The following PTPN23 variants were observed in gnomAD, a reference collection of about 807,000 sequenced individuals.
The protein encoded by PTPN23 is tyrosine-protein phosphatase non-receptor type 23.
PTPN23 carries 72 observed loss-of-function variants against 156.3 expected under a neutral mutation model. The ratio of observed to expected loss-of-function variants is 0.46; its 90% CI spans 0.38 to 0.56. The LOEUF (loss-of-function observed/expected upper bound fraction) is 0.56, where lower values mean the gene tolerates loss of function less well. Among genes scored for constraint, PTPN23 ranks in the 20% least tolerant of loss-of-function variants. The pLI, the probability that PTPN23 is intolerant of heterozygous loss-of-function variation, is 0.00. For missense variants in PTPN23, 1,974 were observed against 2,171.5 expected (o/e 0.91, Z 1.81); for synonymous variants, 957 against 899.6 (o/e 1.06, Z -1.14).
rs2107719091 is a variant in PTPN23, at chr3:47,408,772, C to T, written c.1331-4C>T. The stretch of plus-strand genomic sequence containing the variant: ...GGGGCTGCCTGTACAATCCACAACC[C>T]CAGTGCTGTCAGGTGTGTTCACGGA... On this transcript the variant is annotated splice_region_variant and splice_polypyrimidine_tract_variant and intron_variant, in intron 15 of 24. Coordinates refer to ENST00000265562, the MANE Select transcript of PTPN23 (RefSeq NM_015466.4). 6.3e-7 allele frequency: 1 copy of T among 1,581,526 alleles called. No individual in the cohort carries two copies. Among genetic ancestry groups the T allele is most frequent in the Non-Finnish European group, 8.6e-7 (1 of 1,162,172 alleles).
chr3:47,400,867 C>G, intron 2 of PTPN23, among the ~76,000 whole-genome samples: 1 of 151,654 alleles, frequency 6.6e-6, no homozygotes, highest in East Asian at 1.9e-4. Flanking sequence ...AGCCACAGCA[C>G]CCGGCTTTTA....
chr3:47,398,493 G>T (rs573038993), intron 2 of PTPN23, among the ~76,000 whole-genome samples: 16 of 151,878 alleles, frequency 1.1e-4, no homozygotes, highest in African/African-American at 2.9e-4. Flanking sequence ...GATTTGCTGG[G>T]TTTTTTTGTG....
chr3:47,405,184 AC>A lies in PTPN23; in HGVS notation c.364+104del. 9.3e-7 allele frequency: 1 copy of A among 1,079,084 alleles called. No individual in the cohort carries two copies. The highest frequency in any genetic ancestry group is 1.4e-6 in the Non-Finnish European group (1 of 708,850). The allele number at this position is 1,079,084 out of a possible 1,614,324, so 66.8% of individuals were successfully genotyped here. On this transcript the variant is annotated intron_variant, in intron 4 of 24. Coordinates refer to ENST00000265562, the MANE Select transcript of PTPN23 (RefSeq NM_015466.4). This position sits in a 1 kb window ranked among gnomAD's most constrained non-coding sequence, Gnocchi z 4.7. Reference sequence around the variant, plus strand: ...AAGGCAGTGGGCTGATAAAGGGAGGACTCCAGGATTCCCGCCCCTCCACTGA... The same window carrying A: ...AAGGCAGTGGGCTGATAAAGGGAGGATCCAGGATTCCCGCCCCTCCACTGA...
intron 2 of PTPN23, among the ~76,000 whole-genome samples, chr3:47,402,435 A>G (rs2107710041): frequency 6.6e-6 from 1 of 152,048 alleles, no homozygotes; most frequent in Non-Finnish European, 1.5e-5. Flanking sequence ...GCGCACCATC[A>G]TGCCTGGCTA....
Position 47,407,875 on chromosome 3 carries a change from C to G in PTPN23, c.1119-15C>G, listed in dbSNP as rs749049802. 7 of 1,614,134 alleles carry G rather than the reference C, an allele frequency of 4.3e-6. No homozygotes were observed. The highest frequency in any genetic ancestry group is 5.1e-6 in the Non-Finnish European group (6 of 1,179,992). On this transcript the variant is annotated splice_polypyrimidine_tract_variant and intron_variant, in intron 13 of 24. Transcript: ENST00000265562. This position sits in a 1 kb window ranked among gnomAD's most constrained non-coding sequence, Gnocchi z 4.0. ...GAGATGTGGGTCTTCAGCAAATGCT[C>G]TGTCGCTTCTGCAGTGAGGAGAAGG...
intron 1 of PTPN23, among the ~76,000 whole-genome samples, chr3:47,395,602 T>C (rs1576215998): frequency 6.6e-6 from 1 of 152,210 alleles, no homozygotes; most frequent in African/African-American, 2.4e-5. Context: ...ACCTGGGCCA[T>C]TCTCCTCACA....
rs1452297135 is a variant in PTPN23 at position 47,411,761 on chromosome 3, T to C, written c.3889-22T>C. The stretch of plus-strand genomic sequence containing the variant: ...AGGGGATCCTGGAAAACCAGGTCTG[T>C]CTTGGCTTATCTGTCCCTCAGCAAA... On this transcript the variant is annotated intron_variant, in intron 20 of 24. Coordinates refer to ENST00000265562, the MANE Select transcript of PTPN23 (RefSeq NM_015466.4). The surrounding 1 kb of genome is among the most constrained non-coding windows in gnomAD (Gnocchi z 6.3). 1.3e-6 allele frequency: 2 copies of C among 1,596,964 alleles called. No homozygotes were observed. Among genetic ancestry groups the C allele is most frequent in the East Asian group, 4.5e-5 (2 of 44,552 alleles).
At chr3:47,397,055 G>A (rs1704893509) in intron 2 of PTPN23, among the ~76,000 whole-genome samples, 1 of 152,166 alleles carries the variant, frequency 6.6e-6, no homozygotes, top group African/African-American at 2.4e-5. Context: ...TAGGGAGCCT[G>A]AGGAGAGGGA....
At chr3:47,397,473 C>T (rs946925612) in intron 2 of PTPN23, among the ~76,000 whole-genome samples, 3 of 152,156 alleles carry the variant, frequency 2.0e-5, no homozygotes, top group African/African-American at 7.2e-5. Context: ...TAAGAGTCTG[C>T]ACTGGCATGG....
chr3:47,412,604 G>A lies in PTPN23; in HGVS notation c.4408G>A (p.Ala1470Thr), dbSNP rs1705344949. The change falls in exon 24 of 25, where the codon GCC becomes ACC. Residue 1470 changes from alanine (A) to threonine (T), a missense_variant. Transcript: ENST00000265562. ...HGVPPPCKPL[A>T]SASISQKNHL... The stretch of plus-strand genomic sequence containing the variant: ...TGTGCCTCCTCCATGCAAACCCTTG[G>A]CCAGTGCAAGCATCAGCCAGAAGGT... 6.2e-7 allele frequency: 1 copy of A among 1,613,492 alleles called. No individual in the cohort carries two copies. Among genetic ancestry groups the A allele is most frequent in the Non-Finnish European group, 8.5e-7 (1 of 1,179,896 alleles).
At position 47,410,199 on chromosome 3, in the gene PTPN23, C is replaced by A; in HGVS notation, c.2401C>A (p.Gln801Lys). ...CCCTGGTACCTACTCGGGCCCCACC[C>A]AGCTGATACAGCCCAGGGCCCCAGG... ...LPPGTYSGPT[Q>K]LIQPRAPGPH... The change falls in exon 20 of 25, where the codon CAG (glutamine) becomes AAG (lysine). Residue 801 changes from glutamine to lysine, a missense_variant. Around this residue, in one of 4 missense-constraint regions of PTPN23, gnomAD observed 731 missense variants for 669.1 expected, o/e 1.09. Coordinates refer to ENST00000265562, the MANE Select transcript of PTPN23 (RefSeq NM_015466.4). 1.2e-6 allele frequency: 2 copies of A among 1,609,138 alleles called. No homozygotes were observed. The highest frequency in any genetic ancestry group is 1.7e-6 in the Non-Finnish European group (2 of 1,177,352).
In PTPN23 at chr3:47,406,818, C is replaced by G; in HGVS notation, c.807+68C>G. ...TCAGTGAGATGCCGGTGTGCTCCCG[C>G]TCCTTACACACCAGGGGGTGGCCTT... On this transcript the variant is annotated intron_variant, in intron 9 of 24. Coordinates refer to ENST00000265562, the MANE Select transcript of PTPN23 (RefSeq NM_015466.4). The surrounding 1 kb of genome is among the most constrained non-coding windows in gnomAD (Gnocchi z 5.8). 6.3e-7 allele frequency: 1 copy of G among 1,582,764 alleles called. No homozygotes were observed. The highest frequency in any genetic ancestry group is 8.6e-7 in the Non-Finnish European group (1 of 1,159,286).
rs541395924 is a variant in PTPN23, at chr3:47,413,100, A to G, written c.4826A>G (p.His1609Arg). The G allele has an allele frequency of 3.1e-5, 50 of 1,612,904 alleles. No homozygotes were observed. The East Asian group carries it at 8.0e-4, about 26-fold the overall frequency. Reference sequence around the variant, plus strand: ...AGCAAGCATAACTTTCTGCAGGCCCATAACGGGCAAGGGCTGCGGGCCACC... The same window carrying G: ...AGCAAGCATAACTTTCTGCAGGCCCGTAACGGGCAAGGGCTGCGGGCCACC... ...RMSKHNFLQA[H>R]NGQGLRATRP... is the part of the protein sequence containing the mutation. Residue 1609 changes from histidine (H) to arginine (R), a missense_variant, in exon 25 of 25, where the codon CAT (histidine) becomes CGT (arginine). By Grantham distance (29) the His-to-Arg change is conservative. Transcript: ENST00000265562.
rs760816318 is a variant in PTPN23, at chr3:47,407,674, C to A, written c.1004-23C>A. 6.2e-7 allele frequency: 1 copy of A among 1,609,986 alleles called. No homozygotes were observed. Among genetic ancestry groups the A allele is most frequent in the South Asian group, 1.1e-5 (1 of 90,960 alleles). On this transcript the variant is annotated intron_variant, in intron 12 of 24. Transcript: ENST00000265562. This position sits in a 1 kb window ranked among gnomAD's most constrained non-coding sequence, Gnocchi z 4.0. ...CTCAAGGACTCTGCGTGGGCCTGATCTCCACAATTCCCACCCCCCCAGGAG... is the reference window on the plus strand; with the variant it reads ...CTCAAGGACTCTGCGTGGGCCTGATATCCACAATTCCCACCCCCCCAGGAG...
chr3:47,408,216 G>A, intron 14 of PTPN23, 129 bp from the exon 15 acceptor site: 3 of 1,308,848 alleles, frequency 2.3e-6, no homozygotes, highest in Non-Finnish European at 3.2e-6. Flanking sequence ...GGTAGTAGGG[G>A]TCCGAGGTCA....
chr3:47,393,750 C>T (rs559632179), intron 1 of PTPN23, among the ~76,000 whole-genome samples: 12 of 151,814 alleles, frequency 7.9e-5, no homozygotes, highest in African/African-American at 2.7e-4. Flanking sequence ...CCTTTAATCA[C>T]TTATTTATTT....
chr3:47,405,841 A>C lies in PTPN23; in HGVS notation c.414+43A>C, dbSNP rs1269964000. On this transcript the variant is annotated intron_variant, in intron 5 of 24. Coordinates refer to ENST00000265562, the MANE Select transcript of PTPN23 (RefSeq NM_015466.4). This position sits in a 1 kb window ranked among gnomAD's most constrained non-coding sequence, Gnocchi z 4.7. ...AGTGGAACATGTGGACATACCAGGG[A>C]GGGGCAGCCTCCCAAGTATGGATGA... is the stretch of plus-strand genomic sequence containing the variant. 6.3e-7 allele frequency: 1 copy of C among 1,591,114 alleles called. No homozygotes were observed. Among genetic ancestry groups the C allele is most frequent in the African/African-American group, 1.3e-5 (1 of 74,524 alleles).
In PTPN23 at chr3:47,406,454, A is replaced by G. The variant is rs959541085; in HGVS notation, c.628-27A>G. ...CCTTCACTTTACTGCTGACTCCCCC[A>G]CTCATTGGGCCCCACCCTGTTCTCA... On this transcript the variant is annotated intron_variant, in intron 7 of 24. Transcript: ENST00000265562. The surrounding 1 kb of genome is among the most constrained non-coding windows in gnomAD (Gnocchi z 5.8). 6.2e-7 allele frequency: 1 copy of G among 1,613,674 alleles called. No individual in the cohort carries two copies. The highest frequency in any genetic ancestry group is 8.5e-7 in the Non-Finnish European group (1 of 1,179,962).
At chr3:47,391,483 G>A (rs1249626934) in intron 1 of PTPN23, among the ~76,000 whole-genome samples, 1 of 152,190 alleles carries the variant, frequency 6.6e-6, no homozygotes, top group Admixed American at 6.5e-5. Context: ...TAAGGATGGA[G>A]TGATTACTAG....
Sources: gnomAD v4.1 joint callset for allele counts (sites outside exome capture counted in the v4.1 genomes callset) on GRCh38, gnomAD v4.1.1 for gene constraint, gnomAD v4.1.1 regional missense constraint, Gnocchi (gnomAD v3.1) non-coding constraint, MANE v1.5 for transcripts, NCBI Gene and HGNC (gene_info 2026-07-23, HGNC 2026-07-21) for gene names.